RBFOX3: variants seen among roughly 807,000 people sequenced by gnomAD.
RBFOX3 encodes the protein RNA binding fox-1 homolog 3.
Under a neutral mutation model 48.7 loss-of-function variants are expected in RBFOX3, and 17 were observed. The observed-to-expected ratio is 0.35, with a 90% CI of 0.24 to 0.52. The LOEUF is 0.52. Ranked by LOEUF, RBFOX3 falls within the 20% of genes least tolerant of loss-of-function variation. The pLI is 0.94. For missense variants in RBFOX3, 382 were observed against 497.5 expected (o/e 0.77, Z 2.21); for synonymous variants, 212 against 209.5 (o/e 1.01, Z -0.10).
At chr17:79,251,407 C>G (rs528396790) in intron 3 of RBFOX3, among the ~76,000 whole-genome samples, 1 of 152,140 alleles carries the variant, frequency 6.6e-6, no homozygotes. Flanking sequence ...GATTCAGCAC[C>G]CCCAAACTCA....
chr17:79,132,267 T>A (rs1037114462), intron 4 of RBFOX3, among the ~76,000 whole-genome samples: 1 of 3,672 alleles, frequency 2.7e-4, no homozygotes. Context: ...TAGACTGGGG[T>A]GGGGTGGGGT....
chr17:79,449,844 T>C (rs2073127376), intron 2 of RBFOX3, among the ~76,000 whole-genome samples: 1 of 152,152 alleles, frequency 6.6e-6, no homozygotes, highest in South Asian at 2.1e-4. Flanking sequence ...GGGCACACCA[T>C]TGTGGTGGGT....
intron 1 of RBFOX3, among the ~76,000 whole-genome samples, chr17:79,587,723 A>C (rs1351780737): frequency 2.0e-5 from 3 of 152,300 alleles, no homozygotes; most frequent in African/African-American, 7.2e-5. Flanking sequence ...GTAACCAGGG[A>C]ATCACAGGAC....
At position 79,242,676 on chromosome 17, in the gene RBFOX3, C is replaced by G. The variant is rs1223691073; in HGVS notation, c.-73-6871G>C. Among the ~76,000 whole-genome samples the G allele has an allele frequency of 1.3e-5, 2 of 152,100 alleles. No homozygotes were observed. The highest frequency in any genetic ancestry group is 3.9e-4 in the East Asian group (2 of 5,164). On this transcript the variant is annotated intron_variant, in intron 3 of 14. Transcript: ENST00000693108. The surrounding 1 kb of genome is among the most constrained non-coding windows in gnomAD (Gnocchi z 5.8). ...GGAGACCGGGGAGTTCTGGCAGGTTCTGGCCATCACAGTAGTCCCTGGAGT... is the reference window on the plus strand; with the variant it reads ...GGAGACCGGGGAGTTCTGGCAGGTTGTGGCCATCACAGTAGTCCCTGGAGT...
chr17:79,532,576 C>T (rs932537399), intron 1 of RBFOX3, among the ~76,000 whole-genome samples: 20 of 152,196 alleles, frequency 1.3e-4, no homozygotes, highest in African/African-American at 4.6e-4. Context: ...GAGGCCCACA[C>T]TCCAGAGGCC....
chr17:79,333,201 C>T (rs1057218210), intron 2 of RBFOX3, among the ~76,000 whole-genome samples: 1 of 152,180 alleles, frequency 6.6e-6, no homozygotes, highest in African/African-American at 2.4e-5. Flanking sequence ...ACCACATTTA[C>T]ACGCAGCAGA....
chr17:79,410,610 C>T (rs529208666), intron 2 of RBFOX3, among the ~76,000 whole-genome samples: 1 of 152,268 alleles, frequency 6.6e-6, no homozygotes, highest in African/African-American at 2.4e-5. Flanking sequence ...CCACTGGTGG[C>T]GTGAAAGTGG....
At position 79,578,910 on chromosome 17, in the gene RBFOX3, G is replaced by A. The variant is rs1055443784; in HGVS notation, c.-320+31916C>T. On this transcript the variant is annotated intron_variant, in intron 1 of 14. Coordinates refer to ENST00000693108, the MANE Select transcript of RBFOX3 (RefSeq NM_001350451.2). ...CGCATGACCCCAGTGGCACAACTGT[G>A]GTTACACCTGCTGCAAATGCCCTGG... Among the ~76,000 whole-genome samples the A allele has an allele frequency of 1.1e-3, 166 of 152,280 alleles. 1 individual carries two copies. The highest frequency in any genetic ancestry group is 2.7e-3 in the Admixed American group (41 of 15,302).
chr17:79,255,661 G>T (rs982664035), intron 3 of RBFOX3, among the ~76,000 whole-genome samples: 3 of 152,046 alleles, frequency 2.0e-5, no homozygotes, highest in South Asian at 2.1e-4. Flanking sequence ...CACTGCATGG[G>T]CAGGGTGGCC....
intron 2 of RBFOX3, among the ~76,000 whole-genome samples, chr17:79,381,516 G>T (rs1006046125): frequency 6.6e-6 from 1 of 152,164 alleles, no homozygotes; most frequent in African/African-American, 2.4e-5. Context: ...AGCGCATCCT[G>T]GGCCACAGAC....
chr17:79,602,674 T>C (rs2093732467), intron 1 of RBFOX3, among the ~76,000 whole-genome samples: 6 of 152,318 alleles, frequency 3.9e-5, no homozygotes, highest in African/African-American at 1.2e-4. Flanking sequence ...GTTTTTTTTT[T>C]CTAATGGGCT....
intron 1 of RBFOX3, among the ~76,000 whole-genome samples, chr17:79,514,709 T>C (rs2084994908): frequency 6.6e-6 from 1 of 152,118 alleles, no homozygotes; most frequent in East Asian, 1.9e-4. Flanking sequence ...AGCACAAGCC[T>C]CTGGGTGGCA....
At chr17:79,504,377 A>G (rs1555778071) in intron 1 of RBFOX3, among the ~76,000 whole-genome samples, 1 of 152,192 alleles carries the variant, frequency 6.6e-6, no homozygotes, top group Non-Finnish European at 1.5e-5. Context: ...ACAACACAGC[A>G]TTAGTTTCCT....
At chr17:79,385,283 C>T (rs867134492) in intron 2 of RBFOX3, among the ~76,000 whole-genome samples, 6 of 152,198 alleles carry the variant, frequency 3.9e-5, no homozygotes, top group East Asian at 3.8e-4. Flanking sequence ...CCCAGCAGGG[C>T]GGGGAGGCTG....
At chr17:79,634,271 G>C in the RBFOX3 span, among the ~76,000 whole-genome samples, 24,646 of 152,212 alleles carry the variant, frequency 0.16, 4,523 homozygotes, top group African/African-American at 0.44. Flanking sequence ...CCACCTCACC[G>C]CCAGAGCCAC....
At position 79,264,847 on chromosome 17, in the gene RBFOX3, GC is replaced by G. The variant is rs201516032; in HGVS notation, c.-73-29043del. On this transcript the variant is annotated intron_variant, in intron 3 of 14. Coordinates refer to ENST00000693108, the MANE Select transcript of RBFOX3 (RefSeq NM_001350451.2). Reference sequence around the variant, plus strand: ...GTTCTGTGCCTTCTCCTTGGCTCCTGCCCCCGCTGGAAGGTTCTGCTCCCCT... The same window carrying G: ...GTTCTGTGCCTTCTCCTTGGCTCCTGCCCCGCTGGAAGGTTCTGCTCCCCT... Among the ~76,000 whole-genome samples, 1,348 of 152,158 alleles carry G rather than the reference GC, an allele frequency of 8.9e-3. 4 individuals are homozygous for G. Among genetic ancestry groups the G allele is most frequent in the Admixed American group, 0.013 (205 of 15,272 alleles).
At chr17:79,546,012 A>C (rs1428828363) in intron 1 of RBFOX3, among the ~76,000 whole-genome samples, 1 of 152,276 alleles carries the variant, frequency 6.6e-6, no homozygotes, top group Non-Finnish European at 1.5e-5. Flanking sequence ...ACAAGCCATC[A>C]TGCTACCACT....
intron 4 of RBFOX3, among the ~76,000 whole-genome samples, chr17:79,139,393 T>C (rs2041432452): frequency 6.6e-6 from 1 of 152,252 alleles, no homozygotes; most frequent in African/African-American, 2.4e-5. Context: ...CAGCCGCATC[T>C]TGGCCCTGCT....
At chr17:79,611,781 A>C (rs2093971729), upstream of RBFOX3, among the ~76,000 whole-genome samples, 1 of 152,182 alleles carries the variant, frequency 6.6e-6, no homozygotes, top group Non-Finnish European at 1.5e-5. Flanking sequence ...ACTGGAAAGG[A>C]AGGGATCGGG....
Sources: gnomAD v4.1 joint callset for allele counts (sites outside exome capture counted in the v4.1 genomes callset) on GRCh38, gnomAD v4.1.1 for gene constraint, Gnocchi (gnomAD v3.1) non-coding constraint, MANE v1.5 for transcripts, NCBI Gene and HGNC (gene_info 2026-07-23, HGNC 2026-07-21) for gene names.